CNTN4: variants seen among roughly 807,000 people sequenced by gnomAD.
CNTN4 encodes contactin-4.
CNTN4 carries 77 observed loss-of-function variants against 122.5 expected under a neutral mutation model. The ratio of observed to expected loss-of-function variants is 0.63; its 90% CI spans 0.52 to 0.76. CNTN4 has a LOEUF of 0.76. Ranked by LOEUF, CNTN4 falls within the 30% of genes least tolerant of loss-of-function variation. CNTN4 has a pLI of 0.00. For synonymous variants in CNTN4, 512 were observed against 447.0 expected (o/e 1.15, Z -1.83); for missense variants, 1,256 against 1,259.1 (o/e 1.00, Z 0.04).
chr3:2,559,811 T>C (rs1035386236), intron 3 of CNTN4, among the ~76,000 whole-genome samples: 1 of 152,138 alleles, frequency 6.6e-6, no homozygotes, highest in African/African-American at 2.4e-5. Flanking sequence ...GATACTGAGG[T>C]GTACTTCTGC....
At chr3:2,359,741 G>A (rs542399099) in intron 3 of CNTN4, among the ~76,000 whole-genome samples, 10 of 152,100 alleles carry the variant, frequency 6.6e-5, no homozygotes, top group South Asian at 2.1e-4. Context: ...GGGTTTCATC[G>A]TCTTAGCCAG....
chr3:2,299,335 T>G (rs2042420982), intron 2 of CNTN4, among the ~76,000 whole-genome samples: 1 of 152,168 alleles, frequency 6.6e-6, no homozygotes. Flanking sequence ...AAACTCATTA[T>G]TTTTTATTTG....
intron 2 of CNTN4, among the ~76,000 whole-genome samples, chr3:2,133,074 C>T (rs2034526748): frequency 6.6e-6 from 1 of 152,040 alleles, no homozygotes; most frequent in African/African-American, 2.4e-5. Flanking sequence ...GATATTAGGA[C>T]ACCAGAGCAA....
rs163560 is a variant in CNTN4 at position 3,042,463 on chromosome 3, A to G, written c.2511+41A>G. 0.15 allele frequency: 190,591 copies of G among 1,268,916 alleles called. 17,846 individuals are homozygous for G. Among genetic ancestry groups the G allele is most frequent in the African/African-American group, 0.43 (29,319 of 68,224 alleles). The allele number at this position is 1,268,916 out of a possible 1,614,324, so 78.6% of individuals were successfully genotyped here. On this transcript the variant is annotated intron_variant, in intron 21 of 24. Coordinates refer to ENST00000418658, the MANE Select transcript of CNTN4 (RefSeq NM_175607.3). The stretch of plus-strand genomic sequence containing the variant: ...GTGCCTTGGGTCTGAAAGAGAGTCT[A>G]TGCCCCTTGATAAGTCCTCCAAGTC...
intron 4 of CNTN4, among the ~76,000 whole-genome samples, chr3:2,589,836 G>A (rs2080381050): frequency 6.6e-6 from 1 of 152,180 alleles, no homozygotes; most frequent in South Asian, 2.1e-4. Flanking sequence ...GGCTGCTTGA[G>A]TGTCCTCGTG....
chr3:2,937,705 T>A lies in CNTN4; in HGVS notation c.1358+11926T>A, dbSNP rs546340184. On this transcript the variant is annotated intron_variant, in intron 13 of 24. Coordinates refer to ENST00000418658, the MANE Select transcript of CNTN4 (RefSeq NM_175607.3). ...ACCAGTGAAGCACAAATTAACATAA[T>A]ATAGTCCAAACAGAATCCACAGCAG... 2.5e-4 allele frequency among the ~76,000 whole-genome samples: 38 copies of A among 152,184 alleles called. No homozygotes were observed. In the South Asian group the frequency reaches 4.4e-3, roughly 17 times the overall value.
rs139334320 is a variant in CNTN4 at position 2,688,768 on chromosome 3, C to T, written c.56-47447C>T. 5.0e-3 allele frequency among the ~76,000 whole-genome samples: 757 copies of T among 152,296 alleles called. 3 individuals are homozygous for T. The highest frequency in any genetic ancestry group is 5.6e-3 in the African/African-American group (231 of 41,586). ...AGTGTTTCTCAAACTTAGCTCCCTACGTGGGTCTTTGTAACCACACTGGGA... is the reference window on the plus strand; with the variant it reads ...AGTGTTTCTCAAACTTAGCTCCCTATGTGGGTCTTTGTAACCACACTGGGA... On this transcript the variant is annotated intron_variant, in intron 4 of 24. Transcript: ENST00000418658.
chr3:2,784,603 A>G (rs2091737567), intron 6 of CNTN4, among the ~76,000 whole-genome samples: 1 of 151,432 alleles, frequency 6.6e-6, no homozygotes, highest in Non-Finnish European at 1.5e-5. Context: ...TCTTTTCAGC[A>G]CTGAAAGAAC....
chr3:2,104,985 G>A (rs1166294283), intron 2 of CNTN4, among the ~76,000 whole-genome samples: 1 of 152,158 alleles, frequency 6.6e-6, no homozygotes, highest in Admixed American at 6.5e-5. Flanking sequence ...TTGGAGCATG[G>A]GAACCAGGTC....
intron 2 of CNTN4, among the ~76,000 whole-genome samples, chr3:2,187,449 T>C (rs2037325244): frequency 6.6e-6 from 1 of 152,130 alleles, no homozygotes; most frequent in South Asian, 2.1e-4. Flanking sequence ...AAGGCAGCTC[T>C]AATTTCACCT....
At chr3:2,916,924 T>G (rs2094367425) in intron 12 of CNTN4, among the ~76,000 whole-genome samples, 1 of 146,784 alleles carries the variant, frequency 6.8e-6, no homozygotes, top group African/African-American at 2.5e-5. Context: ...GGCTGCAGTC[T>G]CGGCACTTTG....
At chr3:2,214,932 C>T (rs1165868818) in intron 2 of CNTN4, among the ~76,000 whole-genome samples, 1 of 152,090 alleles carries the variant, frequency 6.6e-6, no homozygotes, top group Admixed American at 6.5e-5. Context: ...ATTTTTAAAA[C>T]TAAATTATAA....
chr3:2,152,386 C>T (rs147020392), intron 2 of CNTN4, among the ~76,000 whole-genome samples: 144 of 152,140 alleles, frequency 9.5e-4, no homozygotes, highest in African/African-American at 2.5e-3. Context: ...AACGAGGTGC[C>T]GTCTGGTAGG....
At chr3:2,560,813 G>T (rs531987101) in intron 3 of CNTN4, among the ~76,000 whole-genome samples, 1 of 152,086 alleles carries the variant, frequency 6.6e-6, no homozygotes, top group African/African-American at 2.4e-5. Flanking sequence ...TTGCTGTATC[G>T]TACTGCACGT....
intron 3 of CNTN4, among the ~76,000 whole-genome samples, chr3:2,566,054 G>T (rs2079146058): frequency 6.6e-6 from 1 of 152,216 alleles, no homozygotes; most frequent in South Asian, 2.1e-4. Context: ...TTCCGACAAA[G>T]TCTCAGCTCT....
At chr3:2,869,039 G>A (rs544054525) in intron 8 of CNTN4, among the ~76,000 whole-genome samples, 51 of 152,192 alleles carry the variant, frequency 3.4e-4, no homozygotes, top group African/African-American at 1.1e-3. Flanking sequence ...CAGAAAACAC[G>A]AAGAACAGTT....
chr3:2,172,233 G>A (rs774129014), intron 2 of CNTN4, among the ~76,000 whole-genome samples: 7 of 151,990 alleles, frequency 4.6e-5, no homozygotes, highest in South Asian at 2.1e-4. Flanking sequence ...AAAAAAAAAC[G>A]AAATAATGTC....
rs191930018 is a variant in CNTN4, at chr3:2,495,358, A to G, written c.-88-76058A>G. Among the ~76,000 whole-genome samples the G allele has an allele frequency of 2.9e-3, 449 of 152,344 alleles. 1 individual carries two copies. The highest frequency in any genetic ancestry group is 0.014 in the Middle Eastern group (4 of 294). On this transcript the variant is annotated intron_variant, in intron 3 of 24. Transcript: ENST00000418658. Reference sequence around the variant, plus strand: ...TTCAAGTTCCTTGAAAGCCAATATCACATCTAGACCACCATTAAATCCCCA... The same window carrying G: ...TTCAAGTTCCTTGAAAGCCAATATCGCATCTAGACCACCATTAAATCCCCA...
At chr3:2,125,925 GTGTA>G (rs1389267226) in intron 2 of CNTN4, among the ~76,000 whole-genome samples, 2 of 148,136 alleles carry the variant, frequency 1.4e-5, no homozygotes, top group South Asian at 2.2e-4. Context: ...GTGTGTGTGT[GTGTA>G]TGTGTGTATG....
Sources: allele counts gnomAD v4.1 joint callset (sites outside exome capture counted in the v4.1 genomes callset), GRCh38; gene constraint gnomAD v4.1.1; transcripts MANE v1.5; gene names NCBI Gene and HGNC (gene_info 2026-07-23, HGNC 2026-07-21).